ATP13A4: variants seen among roughly 807,000 people sequenced by gnomAD.
The protein encoded by ATP13A4 is ATPase 13A4.
ATP13A4 carries 114 observed loss-of-function variants against 142.5 expected under a neutral mutation model. The ratio of observed to expected loss-of-function variants is 0.80; its 90% CI spans 0.69 to 0.93. ATP13A4 has a LOEUF of 0.93. Ranked by LOEUF, ATP13A4 falls within the 40% of genes least tolerant of loss-of-function variation. ATP13A4 has a pLI of 0.00. For missense variants in ATP13A4, 1,392 were observed against 1,454.0 expected (o/e 0.96, Z 0.69); for synonymous variants, 488 against 514.8 (o/e 0.95, Z 0.70).
chr3:193,441,069 C>T (rs1402806051), intron 20 of ATP13A4, among the ~76,000 whole-genome samples: 4 of 152,032 alleles, frequency 2.6e-5, no homozygotes, highest in Non-Finnish European at 5.9e-5. Flanking sequence ...TTAAGTTTGA[C>T]CCTCTTGAGT....
intron 1 of ATP13A4, among the ~76,000 whole-genome samples, chr3:193,546,667 C>T (rs1046275449): frequency 2.6e-5 from 4 of 152,182 alleles, no homozygotes; most frequent in African/African-American, 9.6e-5. Flanking sequence ...CTTTCAATTA[C>T]ACCCTAATGT....
chr3:193,431,963 T>A (rs894893676), intron 25 of ATP13A4, among the ~76,000 whole-genome samples: 3 of 151,824 alleles, frequency 2.0e-5, no homozygotes, highest in Non-Finnish European at 4.4e-5. Context: ...GAATTAGGGA[T>A]GAGAATGGAG....
intron 24 of ATP13A4, among the ~76,000 whole-genome samples, chr3:193,434,278 C>A (rs1017811163): frequency 6.6e-6 from 1 of 152,126 alleles, no homozygotes; most frequent in Non-Finnish European, 1.5e-5. Flanking sequence ...AAAAATACAT[C>A]CCCAAGTGAC....
chr3:193,446,771 A>C (rs917823137), intron 18 of ATP13A4, among the ~76,000 whole-genome samples: 1 of 152,232 alleles, frequency 6.6e-6, no homozygotes, highest in African/African-American at 2.4e-5. Context: ...ACACAAAGGC[A>C]AACATTTCTA....
intron 8 of ATP13A4, among the ~76,000 whole-genome samples, chr3:193,476,489 C>T (rs548344840): frequency 2.0e-5 from 3 of 152,180 alleles, no homozygotes; most frequent in South Asian, 2.1e-4. Flanking sequence ...AATGTTGCTT[C>T]GCTTTTGATC....
intron 1 of ATP13A4, among the ~76,000 whole-genome samples, chr3:193,536,050 C>A (rs1232041838): frequency 1.3e-5 from 2 of 151,754 alleles, no homozygotes; most frequent in Non-Finnish European, 2.9e-5. Context: ...AAAAAGTCTA[C>A]CAAACATTGA....
intron 25 of ATP13A4, among the ~76,000 whole-genome samples, chr3:193,426,548 G>T (rs576647965): frequency 6.6e-6 from 1 of 151,804 alleles, no homozygotes; most frequent in South Asian, 2.1e-4. Context: ...TCCCTAAATC[G>T]TTTCTAAAAA....
chr3:193,408,295 A>G (rs6444719), intron 28 of ATP13A4, among the ~76,000 whole-genome samples: 44,742 of 152,170 alleles, frequency 0.29, 8,608 homozygotes, highest in African/African-American at 0.55. Context: ...TATATGCACA[A>G]TATTTTTATT....
At chr3:193,459,464 T>G (rs986456458) in intron 13 of ATP13A4, among the ~76,000 whole-genome samples, 1 of 152,232 alleles carries the variant, frequency 6.6e-6, no homozygotes, top group African/African-American at 2.4e-5. Context: ...TCTCACTCTA[T>G]CACTCTGTCA....
chr3:193,440,207 T>C (rs904779855), intron 21 of ATP13A4: 1 of 271,906 alleles, frequency 3.7e-6, no homozygotes, highest in African/African-American at 2.2e-5. Context: ...AAATTCTCAC[T>C]GTCCCTCCAG....
At chr3:193,484,340 A>C (rs1033826410) in intron 7 of ATP13A4, among the ~76,000 whole-genome samples, 2 of 151,316 alleles carry the variant, frequency 1.3e-5, no homozygotes, top group African/African-American at 4.9e-5. Flanking sequence ...TAAATAAATA[A>C]ATAAATAAAT....
intron 28 of ATP13A4, among the ~76,000 whole-genome samples, chr3:193,407,839 G>A (rs1053481385): frequency 1.3e-5 from 2 of 152,210 alleles, no homozygotes; most frequent in African/African-American, 4.8e-5. Flanking sequence ...TCACAACTGG[G>A]CAGCATTGCC....
intron 12 of ATP13A4, among the ~76,000 whole-genome samples, chr3:193,464,507 A>G (rs149046449): frequency 6.6e-6 from 1 of 152,378 alleles, no homozygotes; most frequent in East Asian, 1.9e-4. Flanking sequence ...ATAGTAAGGC[A>G]CAGTTTAATA....
At chr3:193,477,542 C>T (rs1018192116) in intron 8 of ATP13A4, among the ~76,000 whole-genome samples, 4 of 152,028 alleles carry the variant, frequency 2.6e-5, no homozygotes, top group Admixed American at 6.6e-5. Context: ...GAATTATCTT[C>T]CCACTGGAAA....
chr3:193,546,540 C>T (rs1226209421), intron 1 of ATP13A4, among the ~76,000 whole-genome samples: 1 of 152,190 alleles, frequency 6.6e-6, no homozygotes, highest in African/African-American at 2.4e-5. Flanking sequence ...GTAACATTAT[C>T]TCCACCTTGT....
chr3:193,591,643 GCATA>G (rs1453260329), intron 1 of ATP13A4, among the ~76,000 whole-genome samples: 2 of 152,088 alleles, frequency 1.3e-5, no homozygotes, highest in African/African-American at 2.4e-5. Flanking sequence ...ATACATCTTT[GCATA>G]CATGGGAATG....
intron 1 of ATP13A4, among the ~76,000 whole-genome samples, chr3:193,529,319 GTTAA>G (rs948922394): frequency 6.6e-6 from 1 of 151,504 alleles, no homozygotes; most frequent in African/African-American, 2.4e-5. Flanking sequence ...AAACTAGATG[GTTAA>G]TTAGTGTGTT....
At chr3:193,511,735 G>C (rs1205593838) in intron 2 of ATP13A4, among the ~76,000 whole-genome samples, 1 of 152,046 alleles carries the variant, frequency 6.6e-6, no homozygotes, top group Non-Finnish European at 1.5e-5. Context: ...CAAACCTAAA[G>C]TACTAGGACA....
At chr3:193,517,569 C>T (rs1328136640) in intron 1 of ATP13A4, among the ~76,000 whole-genome samples, 5 of 152,192 alleles carry the variant, frequency 3.3e-5, no homozygotes, top group African/African-American at 4.8e-5. Context: ...CAAGCTCCGC[C>T]TCCCGGGTTC....
Sources: gnomAD v4.1 joint callset for allele counts (sites outside exome capture counted in the v4.1 genomes callset) on GRCh38, gnomAD v4.1.1 for gene constraint, MANE v1.5 for transcripts, NCBI Gene and HGNC (gene_info 2026-07-23, HGNC 2026-07-21) for gene names.